BMPR1A: variants seen among roughly 807,000 people sequenced by gnomAD.
BMPR1A encodes the protein bone morphogenetic protein receptor type-1A.
Under a neutral mutation model 66.0 loss-of-function variants are expected in BMPR1A, and 7 were observed. That is an observed-to-expected ratio of 0.11 (90% CI 0.06 to 0.20). BMPR1A has a LOEUF of 0.20. BMPR1A is among the 10% of genes least tolerant of loss of function. The pLI, the probability that BMPR1A is intolerant of heterozygous loss-of-function variation, is 1.00. For missense variants in BMPR1A, 408 were observed against 669.1 expected, an observed-to-expected ratio of 0.61 and a Z score of 4.31; for synonymous variants, 200 against 229.7, an observed-to-expected ratio of 0.87 and a Z score of 1.17.
intron 2 of BMPR1A, among the ~76,000 whole-genome samples, chr10:86,853,997 C>T (rs963404335): frequency 3.9e-5 from 6 of 152,104 alleles, no homozygotes; most frequent in Non-Finnish European, 7.3e-5. Context: ...AGCCTGGGAG[C>T]GCTATGGGAG....
In BMPR1A at chr10:86,831,375, CTATG is replaced by C. The variant is rs1842265434; in HGVS notation, c.-267-7487_-267-7484del. Among the ~76,000 whole-genome samples the C allele has an allele frequency of 3.9e-5, 6 of 152,098 alleles. No homozygotes were observed. In the South Asian group the frequency reaches 6.2e-4, roughly 16 times the overall value. ...AGATATATCTCATTATTTTAAATGA[CTATG>C]TAGTGTTTAATGTGACTGCTTAATT... On this transcript the variant is annotated intron_variant, in intron 1 of 12. Coordinates refer to ENST00000372037, the MANE Select transcript of BMPR1A (RefSeq NM_004329.3).
chr10:86,931,298 C>CACACATATATATATATATATATAT, downstream of BMPR1A: 9 of 90,902 alleles, frequency 9.9e-5, no homozygotes, highest in African/African-American at 5.6e-4. Flanking sequence ...CACACACACA[C>CACACATATATATATATATATATAT]ATATATATAT....
intron 7 of BMPR1A, among the ~76,000 whole-genome samples, chr10:86,901,078 A>G (rs1292536574): frequency 1.3e-5 from 2 of 152,248 alleles, no homozygotes; most frequent in Admixed American, 6.5e-5. Flanking sequence ...GAAGCCAGGC[A>G]TCATGCTATG....
intron 5 of BMPR1A, among the ~76,000 whole-genome samples, chr10:86,896,860 A>C (rs915222088): frequency 6.6e-6 from 1 of 152,198 alleles, no homozygotes; most frequent in African/African-American, 2.4e-5. Flanking sequence ...GCCAGCAAGC[A>C]TTTTGACCAG....
intron 1 of BMPR1A, among the ~76,000 whole-genome samples, chr10:86,812,397 GT>G (rs1446644851): frequency 6.6e-6 from 1 of 152,192 alleles, no homozygotes; most frequent in East Asian, 1.9e-4. Context: ...GGATGTGCCA[GT>G]TTTTTATTCG....
downstream of BMPR1A, chr10:86,929,337 CT>C (rs1843786896): frequency 2.0e-5 from 3 of 152,160 alleles, no homozygotes; most frequent in South Asian, 6.2e-4. Flanking sequence ...TTTACCTGGC[CT>C]TAAGATGCTC....
chr10:86,845,841 C>T (rs1425321655), intron 2 of BMPR1A, among the ~76,000 whole-genome samples: 1 of 151,738 alleles, frequency 6.6e-6, no homozygotes, highest in African/African-American at 2.4e-5. Flanking sequence ...ACTAAAAATA[C>T]AAAAAATTAG....
rs567509732 is a variant in BMPR1A, at chr10:86,778,520, A to G, written c.-268+21601A>G. Among the ~76,000 whole-genome samples the G allele has an allele frequency of 1.3e-4, 20 of 152,272 alleles. No homozygotes were observed. The South Asian group carries it at 4.1e-3, about 32-fold the overall frequency. ...TGGCCCAGGGAAGCCAAAAGATTGG[A>G]TACCCCTACTGTACAGTGATCAGAT... On this transcript the variant is annotated intron_variant, in intron 1 of 12. Transcript: ENST00000372037.
chr10:86,802,010 C>A (rs777428860), intron 1 of BMPR1A, among the ~76,000 whole-genome samples: 6 of 152,044 alleles, frequency 3.9e-5, no homozygotes, highest in Non-Finnish European at 8.8e-5. Flanking sequence ...CACCGCCCCC[C>A]ACCCTTGCCT....
At chr10:86,841,724 A>C (rs1278566953) in intron 2 of BMPR1A, among the ~76,000 whole-genome samples, 2 of 152,220 alleles carry the variant, frequency 1.3e-5, no homozygotes, top group Admixed American at 1.3e-4. Flanking sequence ...GGGGCTGGTC[A>C]GCAGAAAGAC....
intron 3 of BMPR1A, among the ~76,000 whole-genome samples, chr10:86,882,808 T>C (rs1843008534): frequency 6.6e-6 from 1 of 151,266 alleles, no homozygotes; most frequent in South Asian, 2.1e-4. Context: ...CTACTAAAAA[T>C]ACAAAAAATT....
intron 1 of BMPR1A, among the ~76,000 whole-genome samples, chr10:86,791,317 A>G (rs1212098280): frequency 6.6e-6 from 1 of 151,582 alleles, no homozygotes; most frequent in Non-Finnish European, 1.5e-5. Flanking sequence ...GGTTCAAGCA[A>G]TTCTTCTGCC....
At chr10:86,881,202 A>G (rs79325099) in intron 3 of BMPR1A, among the ~76,000 whole-genome samples, 1,858 of 152,286 alleles carry the variant, frequency 0.012, 49 homozygotes, top group African/African-American at 0.042. Flanking sequence ...TGATGACGCC[A>G]CTGCACTCTA....
At position 86,886,562 on chromosome 10, in the gene BMPR1A, T is replaced by A. The variant is rs554816310; in HGVS notation, c.68-3500T>A. Reference sequence around the variant, plus strand: ...AAATCAAGAGTTCATTTAAGACAAGTCAGTCAGGAGATGTCTAAGCAGGTC... The same window carrying A: ...AAATCAAGAGTTCATTTAAGACAAGACAGTCAGGAGATGTCTAAGCAGGTC... On this transcript the variant is annotated intron_variant, in intron 3 of 12. Coordinates refer to ENST00000372037, the MANE Select transcript of BMPR1A (RefSeq NM_004329.3). Among the ~76,000 whole-genome samples, 4 of 152,226 alleles carry A rather than the reference T, an allele frequency of 2.6e-5. No homozygotes were observed. The South Asian group carries it at 8.3e-4, about 32-fold the overall frequency.
At chr10:86,865,455 C>G (rs1384412963) in intron 2 of BMPR1A, among the ~76,000 whole-genome samples, 2 of 152,158 alleles carry the variant, frequency 1.3e-5, no homozygotes, top group Admixed American at 1.3e-4. Flanking sequence ...TTTCCTTTAT[C>G]TACCCAAATC....
chr10:86,900,370 T>C (rs906858218), intron 7 of BMPR1A, among the ~76,000 whole-genome samples: 2 of 152,168 alleles, frequency 1.3e-5, no homozygotes, highest in Non-Finnish European at 2.9e-5. Flanking sequence ...AATAGTGAGC[T>C]TTCTGGCATC....
At chr10:86,810,497 T>C (rs1841953512) in intron 1 of BMPR1A, among the ~76,000 whole-genome samples, 1 of 152,232 alleles carries the variant, frequency 6.6e-6, no homozygotes, top group Non-Finnish European at 1.5e-5. Flanking sequence ...ACTGGTTTTC[T>C]TTTCCAAAAT....
chr10:86,910,375 T>C (rs965870982), intron 7 of BMPR1A, among the ~76,000 whole-genome samples: 20 of 152,010 alleles, frequency 1.3e-4, no homozygotes, highest in African/African-American at 4.8e-4. Flanking sequence ...AGATTACCAA[T>C]AGGTGAATGG....
chr10:86,836,631 C>G (rs1842351460), intron 1 of BMPR1A, among the ~76,000 whole-genome samples: 2 of 152,096 alleles, frequency 1.3e-5, no homozygotes, highest in African/African-American at 4.8e-5. Context: ...GACCCTGTCT[C>G]TACAAAAAAT....
Sources: allele counts gnomAD v4.1 joint callset (sites outside exome capture counted in the v4.1 genomes callset), GRCh38; gene constraint gnomAD v4.1.1; transcripts MANE v1.5; gene names NCBI Gene and HGNC (gene_info 2026-07-23, HGNC 2026-07-21).